PARP8: variants seen among roughly 807,000 people sequenced by gnomAD.
The protein encoded by PARP8 is poly(ADP-ribose) polymerase family member 8.
Under a neutral mutation model 124.1 loss-of-function variants are expected in PARP8, and 51 were observed. The observed-to-expected ratio is 0.41, with a 90% CI of 0.33 to 0.52. PARP8 has a LOEUF of 0.52. Among genes scored for constraint, PARP8 ranks in the 20% least tolerant of loss-of-function variants. The pLI is 0.21. For missense variants in PARP8, 860 were observed against 1,018.9 expected, an observed-to-expected ratio of 0.84 and a Z score of 2.12; for synonymous variants, 391 against 361.5, an observed-to-expected ratio of 1.08 and a Z score of -0.93.
intron 22 of PARP8, among the ~76,000 whole-genome samples, chr5:50,830,853 T>A (rs184595841): frequency 6.6e-6 from 1 of 151,894 alleles, no homozygotes; most frequent in African/African-American, 2.4e-5. Context: ...TGTGTGATTA[T>A]GTGATCACGT....
At chr5:50,685,846 C>T (rs1037980209) in intron 2 of PARP8, among the ~76,000 whole-genome samples, 14 of 152,154 alleles carry the variant, frequency 9.2e-5, no homozygotes, top group Middle Eastern at 3.2e-3. Flanking sequence ...CAAAACTCCC[C>T]TCTTGAAACT....
intron 5 of PARP8, among the ~76,000 whole-genome samples, chr5:50,760,880 A>G (rs1760477269): frequency 2.6e-5 from 4 of 152,134 alleles, no homozygotes; most frequent in African/African-American, 7.2e-5. Context: ...AATGAGTGCA[A>G]TAGGACCAGC....
At chr5:50,775,531 G>T (rs572815604) in intron 7 of PARP8, among the ~76,000 whole-genome samples, 1 of 152,132 alleles carries the variant, frequency 6.6e-6, no homozygotes, top group Non-Finnish European at 1.5e-5. Context: ...GTCCAACCTC[G>T]GCAACAGAGG....
At chr5:50,739,987 G>GCA (rs1757881984) in intron 2 of PARP8, among the ~76,000 whole-genome samples, 1 of 151,852 alleles carries the variant, frequency 6.6e-6, no homozygotes, top group Non-Finnish European at 1.5e-5. Flanking sequence ...CTGACCTCAT[G>GCA]ATCCACCCAC....
chr5:50,806,476 A>G (rs1365882657), intron 14 of PARP8, among the ~76,000 whole-genome samples: 2 of 152,080 alleles, frequency 1.3e-5, no homozygotes, highest in Admixed American at 1.3e-4. Flanking sequence ...TATATCTGCA[A>G]CAATAAATAT....
At chr5:50,678,700 C>T (rs1750926010) in intron 2 of PARP8, among the ~76,000 whole-genome samples, 1 of 152,102 alleles carries the variant, frequency 6.6e-6, no homozygotes, top group Non-Finnish European at 1.5e-5. Context: ...ATAGAATTTT[C>T]TAAAAGCTGA....
At chr5:50,691,131 TACCTTTTTCTCACTA>T (rs1752454500) in intron 2 of PARP8, among the ~76,000 whole-genome samples, 1 of 152,192 alleles carries the variant, frequency 6.6e-6, no homozygotes, top group Non-Finnish European at 1.5e-5. Flanking sequence ...ACCTTTCACT[TACCTTTTTCTCACTA>T]ACTTCTTTCT....
intron 6 of PARP8, among the ~76,000 whole-genome samples, chr5:50,762,711 T>C (rs1760676850): frequency 6.6e-6 from 1 of 152,194 alleles, no homozygotes; most frequent in East Asian, 1.9e-4. Context: ...GGCTTTCCTC[T>C]CTCCAGGAAT....
chr5:50,805,885 C>A (rs1479576225), intron 14 of PARP8, among the ~76,000 whole-genome samples: 1 of 151,982 alleles, frequency 6.6e-6, no homozygotes, highest in Non-Finnish European at 1.5e-5. Flanking sequence ...GCAATTTTGT[C>A]ATTTCCATTT....
chr5:50,817,808 T>C (rs1461117613), intron 15 of PARP8, among the ~76,000 whole-genome samples: 1 of 152,160 alleles, frequency 6.6e-6, no homozygotes, highest in African/African-American at 2.4e-5. Context: ...AAAAGACTAA[T>C]GACTAAAGAC....
chr5:50,674,860 A>G (rs1327825864), intron 2 of PARP8, among the ~76,000 whole-genome samples: 1 of 152,254 alleles, frequency 6.6e-6, no homozygotes, highest in Admixed American at 6.5e-5. Flanking sequence ...ATTAGAATAC[A>G]TAACGTTTTA....
intron 15 of PARP8, among the ~76,000 whole-genome samples, chr5:50,818,013 G>A (rs1175006896): frequency 1.3e-5 from 2 of 151,938 alleles, no homozygotes; most frequent in Non-Finnish European, 2.9e-5. Flanking sequence ...TCCATCCTAA[G>A]TATCTTAGTC....
At chr5:50,704,829 C>CT (rs1753967927) in intron 2 of PARP8, among the ~76,000 whole-genome samples, 1 of 152,112 alleles carries the variant, frequency 6.6e-6, no homozygotes, top group African/African-American at 2.4e-5. Flanking sequence ...GACAGTACTG[C>CT]TTTAAAATAG....
intron 2 of PARP8, among the ~76,000 whole-genome samples, chr5:50,732,167 A>G (rs929222049): frequency 1.3e-5 from 2 of 152,084 alleles, no homozygotes; most frequent in Non-Finnish European, 2.9e-5. Flanking sequence ...TAGTATGTGA[A>G]CATGAGAACA....
intron 9 of PARP8, among the ~76,000 whole-genome samples, chr5:50,782,154 T>C (rs146529898): frequency 1.3e-5 from 2 of 152,318 alleles, no homozygotes; most frequent in East Asian, 3.9e-4. Context: ...ACTTTTATTA[T>C]AGCATCTATC....
intron 2 of PARP8, among the ~76,000 whole-genome samples, chr5:50,746,859 C>T (rs1037008339): frequency 6.6e-6 from 1 of 151,936 alleles, no homozygotes; most frequent in African/African-American, 2.4e-5. Flanking sequence ...AGACCCCTGT[C>T]TCTATCAAAA....
At chr5:50,822,067 GC>G (rs930806224) in intron 16 of PARP8, among the ~76,000 whole-genome samples, 18 of 152,122 alleles carry the variant, frequency 1.2e-4, no homozygotes, top group African/African-American at 4.3e-4. Flanking sequence ...TGAATCAGGA[GC>G]CCCATAACTT....
At chr5:50,685,864 A>C (rs375226361) in intron 2 of PARP8, among the ~76,000 whole-genome samples, 1 of 152,160 alleles carries the variant, frequency 6.6e-6, no homozygotes, top group Admixed American at 6.5e-5. Flanking sequence ...ACTTACTCTC[A>C]CAAGAACAGC....
At chr5:50,791,868 C>T (rs180997407) in intron 10 of PARP8, among the ~76,000 whole-genome samples, 41 of 152,112 alleles carry the variant, frequency 2.7e-4, no homozygotes, top group Non-Finnish European at 3.4e-4. Flanking sequence ...CTTAAAAGTG[C>T]GAATCAAAAT....
Sources: gnomAD v4.1 joint callset for allele counts (sites outside exome capture counted in the v4.1 genomes callset) on GRCh38, gnomAD v4.1.1 for gene constraint, MANE v1.5 for transcripts, NCBI Gene and HGNC (gene_info 2026-07-23, HGNC 2026-07-21) for gene names.